The following TMEM108 variants were observed in gnomAD, a reference collection of about 807,000 sequenced individuals.
TMEM108 encodes the protein cancer/testis antigen 124.
TMEM108 carries 12 observed loss-of-function variants against 35.1 expected under a neutral mutation model. That is an observed-to-expected ratio of 0.34 (90% CI 0.22 to 0.55). The LOEUF (loss-of-function observed/expected upper bound fraction) is 0.55, where lower values mean the gene tolerates loss of function less well. Among genes scored for constraint, TMEM108 ranks in the 20% least tolerant of loss-of-function variants. The pLI, the probability that TMEM108 is intolerant of heterozygous loss-of-function variation, is 0.89. For missense variants in TMEM108, 680 were observed against 753.3 expected (o/e 0.90, Z 1.14); for synonymous variants, 287 against 308.6 (o/e 0.93, Z 0.73).
chr3:133,250,826 G>A (rs1946458451), intron 3 of TMEM108, among the ~76,000 whole-genome samples: 1 of 152,148 alleles, frequency 6.6e-6, no homozygotes, highest in South Asian at 2.1e-4. Flanking sequence ...CCATAGGGGT[G>A]ATGGTGTATT....
chr3:133,042,421 G>A (rs1259529490), intron 1 of TMEM108, among the ~76,000 whole-genome samples: 1 of 152,136 alleles, frequency 6.6e-6, no homozygotes, highest in African/African-American at 2.4e-5. Context: ...CTTATTATGT[G>A]ACTAAAAATA....
Position 133,380,186 on chromosome 3 carries a change from C to A in TMEM108, c.475C>A (p.Arg159Ser), listed in dbSNP as rs757121911. 1 of 1,611,486 alleles carries A rather than the reference C, an allele frequency of 6.2e-7. No individual in the cohort carries two copies. Among genetic ancestry groups the A allele is most frequent in the Non-Finnish European group, 8.5e-7 (1 of 1,178,762 alleles). ...CAGCCGCCCCACCACAGCGCCCCCC[C>A]GCACTACCACACGCAGGCCCCCCAG... is the stretch of plus-strand genomic sequence containing the variant. ...ATSRPTTAPP[R>S]TTTRRPPRPP... The change falls in exon 4 of 6, where the codon CGC becomes AGC. Residue 159 changes from arginine (R) to serine (S), a missense_variant. Coordinates refer to ENST00000321871, the MANE Select transcript of TMEM108 (RefSeq NM_023943.4). The surrounding 1 kb of genome is among the most constrained non-coding windows in gnomAD (Gnocchi z 5.3).
chr3:133,094,288 T>C (rs1576315043), intron 2 of TMEM108, among the ~76,000 whole-genome samples: 1 of 129,946 alleles, frequency 7.7e-6, no homozygotes, highest in East Asian at 2.3e-4. Context: ...TTGATACAAA[T>C]GGAAGGAATA....
intron 3 of TMEM108, among the ~76,000 whole-genome samples, chr3:133,338,307 C>G (rs896860068): frequency 3.3e-5 from 5 of 151,944 alleles, no homozygotes; most frequent in African/African-American, 1.2e-4. Flanking sequence ...ATGCTAAAAG[C>G]AGCAAGAGAA....
rs1177737931 is a variant in TMEM108, at chr3:133,397,459, GGTT to G, written c.*1479_*1481del. 3 of 150,814 alleles carry G rather than the reference GGTT, an allele frequency of 2.0e-5. No individual in the cohort carries two copies. The allele number at this position is 150,814 out of a possible 1,614,324, so 9.3% of individuals were successfully genotyped here. ...GTATGAACCTCCTTCACATGAGTTC[GGTT>G]GTTGTCTCTCTTCAAAGACTCTTCA... On this transcript the variant is annotated 3_prime_UTR_variant, in exon 6 of 6. Coordinates refer to ENST00000321871, the MANE Select transcript of TMEM108 (RefSeq NM_023943.4).
intron 3 of TMEM108, among the ~76,000 whole-genome samples, chr3:133,231,593 C>T (rs1946153946): frequency 6.6e-6 from 1 of 152,070 alleles, no homozygotes; most frequent in South Asian, 2.1e-4. Context: ...TTGAAAGTCC[C>T]AGAATAATAC....
intron 3 of TMEM108, among the ~76,000 whole-genome samples, chr3:133,261,783 G>A (rs1367366309): frequency 6.6e-6 from 1 of 152,216 alleles, no homozygotes; most frequent in Non-Finnish European, 1.5e-5. Context: ...ATCTGCAGGA[G>A]GGAAGGTTTT....
chr3:133,208,057 G>T (rs888950496), intron 2 of TMEM108, among the ~76,000 whole-genome samples: 1 of 152,148 alleles, frequency 6.6e-6, no homozygotes, highest in Non-Finnish European at 1.5e-5. Context: ...GGTCACAGTT[G>T]TACAGTAAAA....
intron 2 of TMEM108, among the ~76,000 whole-genome samples, chr3:133,133,177 T>G (rs1288300947): frequency 8.0e-6 from 1 of 124,650 alleles, no homozygotes; most frequent in Non-Finnish European, 1.7e-5. Flanking sequence ...CAGCAGGGTT[T>G]GAGAGTATTG....
At position 133,158,326 on chromosome 3, in the gene TMEM108, G is replaced by A. The variant is rs567502736; in HGVS notation, c.-46-70940G>A. Among the ~76,000 whole-genome samples, 90 of 152,028 alleles carry A rather than the reference G, an allele frequency of 5.9e-4. No individual in the cohort carries two copies. In the Middle Eastern group the frequency reaches 0.01, roughly 17 times the overall value. ...CTACTAAAAATACAAAAATTAGCTAGGCATGGTGGCATGTGCCTGTAGTTG... is the reference window on the plus strand; with the variant it reads ...CTACTAAAAATACAAAAATTAGCTAAGCATGGTGGCATGTGCCTGTAGTTG... On this transcript the variant is annotated intron_variant, in intron 2 of 5. Coordinates refer to ENST00000321871, the MANE Select transcript of TMEM108 (RefSeq NM_023943.4).
chr3:133,221,750 T>C (rs1317673215), intron 2 of TMEM108, among the ~76,000 whole-genome samples: 1 of 143,762 alleles, frequency 7.0e-6, no homozygotes, highest in African/African-American at 2.5e-5. Flanking sequence ...AAGCAACTTA[T>C]AAAAGCCTTT....
At position 133,396,088 on chromosome 3, in the gene TMEM108, A is replaced by G. The variant is rs1034330857; in HGVS notation, c.*102A>G. 1.1e-6 allele frequency: 1 copy of G among 892,928 alleles called. No individual in the cohort carries two copies. Among genetic ancestry groups the G allele is most frequent in the Non-Finnish European group, 1.4e-6 (1 of 695,934 alleles). The allele number at this position is 892,928 out of a possible 1,614,324, so 55.3% of individuals were successfully genotyped here. A position where few individuals can be genotyped will look rare whatever the true frequency, so the allele number is the denominator to read the frequency against. On this transcript the variant is annotated 3_prime_UTR_variant, in exon 6 of 6. Coordinates refer to ENST00000321871, the MANE Select transcript of TMEM108 (RefSeq NM_023943.4). ...ATAACCTTTGTGTAACCCTGACTTA[A>G]TGAGAAACATTTTCAGCTTTTTTTC... is the stretch of plus-strand genomic sequence containing the variant.
chr3:133,307,353 C>T (rs1271794923), intron 3 of TMEM108, among the ~76,000 whole-genome samples: 2 of 152,010 alleles, frequency 1.3e-5, no homozygotes, highest in African/African-American at 4.8e-5. Flanking sequence ...GTTTCTTTGC[C>T]GTGCAGAAGC....
chr3:133,227,228 T>C (rs1181585054), intron 2 of TMEM108, among the ~76,000 whole-genome samples: 1 of 140,674 alleles, frequency 7.1e-6, no homozygotes, highest in Non-Finnish European at 1.5e-5. Flanking sequence ...AGAGTCTCGC[T>C]GTCGCCCAGG....
chr3:133,315,459 C>G (rs1340734910), intron 3 of TMEM108, among the ~76,000 whole-genome samples: 1 of 152,192 alleles, frequency 6.6e-6, no homozygotes, highest in East Asian at 1.9e-4. Flanking sequence ...GCCTGTGTCC[C>G]CACAGAAATG....
intron 3 of TMEM108, among the ~76,000 whole-genome samples, chr3:133,291,645 A>G (rs900236735): frequency 6.6e-6 from 1 of 152,082 alleles, no homozygotes; most frequent in African/African-American, 2.4e-5. Context: ...TCTGAGCCTC[A>G]TCCAAGAGAG....
chr3:133,199,185 C>T (rs1025741228), intron 2 of TMEM108, among the ~76,000 whole-genome samples: 1 of 152,124 alleles, frequency 6.6e-6, no homozygotes, highest in Non-Finnish European at 1.5e-5. Context: ...GTTAGCCATT[C>T]GTCTAATCTT....
intron 2 of TMEM108, among the ~76,000 whole-genome samples, chr3:133,133,389 T>A (rs575344663): frequency 1.3e-5 from 2 of 152,358 alleles, no homozygotes; most frequent in Admixed American, 1.3e-4. Flanking sequence ...TTATTTTTAA[T>A]TAAGGTATGT....
At chr3:133,301,846 C>A (rs911145337) in intron 3 of TMEM108, among the ~76,000 whole-genome samples, 2 of 152,152 alleles carry the variant, frequency 1.3e-5, no homozygotes, top group Non-Finnish European at 2.9e-5. Flanking sequence ...TATCACTCTT[C>A]CTTGTTGCCA....
Sources: gnomAD v4.1 joint callset for allele counts (sites outside exome capture counted in the v4.1 genomes callset) on GRCh38, gnomAD v4.1.1 for gene constraint, Gnocchi (gnomAD v3.1) non-coding constraint, MANE v1.5 for transcripts, NCBI Gene and HGNC (gene_info 2026-07-23, HGNC 2026-07-21) for gene names.